Variants in NALF1 observed in about 807,000 individuals in gnomAD.
The protein encoded by NALF1 is NALCN channel auxiliary factor 1, also known as family with sequence similarity 155 member A.
In NALF1, 3 loss-of-function variants were observed where a neutral mutation model predicts 48.4. The ratio of observed to expected loss-of-function variants is 0.06; its 90% CI spans 0.03 to 0.16. NALF1 has a LOEUF of 0.16. NALF1 is among the 10% of genes least tolerant of loss of function. The pLI is 1.00. For synonymous variants in NALF1, 262 were observed against 245.7 expected, an observed-to-expected ratio of 1.07 and a Z score of -0.62; for missense variants, 526 against 571.5, an observed-to-expected ratio of 0.92 and a Z score of 0.81.
At chr13:107,576,872 CT>C (rs1217979483) in intron 1 of NALF1, among the ~76,000 whole-genome samples, 4 of 152,144 alleles carry the variant, frequency 2.6e-5, no homozygotes, top group African/African-American at 9.7e-5. Flanking sequence ...TGTTCCTACT[CT>C]GTCAAAATCT....
At chr13:107,491,284 A>G (rs926072743) in intron 1 of NALF1, among the ~76,000 whole-genome samples, 1 of 152,250 alleles carries the variant, frequency 6.6e-6, no homozygotes, top group Non-Finnish European at 1.5e-5. Context: ...TGACTTTGTC[A>G]GTTACAAGAT....
At chr13:107,305,333 G>T (rs1213939664) in intron 1 of NALF1, among the ~76,000 whole-genome samples, 1 of 152,188 alleles carries the variant, frequency 6.6e-6, no homozygotes, top group African/African-American at 2.4e-5. Context: ...TCAGAGTAAA[G>T]GTTGTTTTGG....
intron 1 of NALF1, among the ~76,000 whole-genome samples, chr13:107,865,415 A>G (rs1880683721): frequency 6.6e-6 from 1 of 152,270 alleles, no homozygotes; most frequent in Admixed American, 6.5e-5. Flanking sequence ...TGAATGTAAG[A>G]AACAGTTAAA....
At chr13:107,233,314 G>T (rs1481199480) in intron 1 of NALF1, among the ~76,000 whole-genome samples, 1 of 152,104 alleles carries the variant, frequency 6.6e-6, no homozygotes, top group Non-Finnish European at 1.5e-5. Flanking sequence ...ACAACCAAAG[G>T]ACCATAGCAA....
At chr13:107,361,348 G>T (rs770501880) in intron 1 of NALF1, among the ~76,000 whole-genome samples, 10 of 152,174 alleles carry the variant, frequency 6.6e-5, no homozygotes, top group Non-Finnish European at 1.3e-4. Flanking sequence ...TCAGGAAATA[G>T]TAAGTAACAG....
At chr13:107,353,933 C>A (rs1230838467) in intron 1 of NALF1, among the ~76,000 whole-genome samples, 1 of 152,098 alleles carries the variant, frequency 6.6e-6, no homozygotes, top group East Asian at 1.9e-4. Context: ...CTAGTACATG[C>A]CAGGAATAAT....
chr13:107,671,306 A>C (rs1019794643), intron 1 of NALF1, among the ~76,000 whole-genome samples: 2 of 152,150 alleles, frequency 1.3e-5, no homozygotes, highest in Admixed American at 6.6e-5. Context: ...ATAAAAACAG[A>C]AAGAATTACA....
intron 1 of NALF1, among the ~76,000 whole-genome samples, chr13:107,683,575 G>A (rs534318920): frequency 2.6e-5 from 4 of 152,318 alleles, no homozygotes; most frequent in African/African-American, 9.6e-5. Context: ...AGCCTGCAGT[G>A]GGGACGGAGA....
At chr13:107,559,686 A>C (rs950943074) in intron 1 of NALF1, among the ~76,000 whole-genome samples, 2 of 152,204 alleles carry the variant, frequency 1.3e-5, no homozygotes, top group Non-Finnish European at 2.9e-5. Context: ...CTATCTATTC[A>C]GCATCAGCAT....
chr13:107,385,231 T>G (rs1213544581), intron 1 of NALF1, among the ~76,000 whole-genome samples: 1 of 152,186 alleles, frequency 6.6e-6, no homozygotes, highest in African/African-American at 2.4e-5. Context: ...CTTTTTCCTT[T>G]CTAAATAAAA....
At chr13:107,652,740 T>C (rs1264200739) in intron 1 of NALF1, among the ~76,000 whole-genome samples, 1 of 152,198 alleles carries the variant, frequency 6.6e-6, no homozygotes, top group African/African-American at 2.4e-5. Flanking sequence ...CTGTTTCAAC[T>C]GCAACATTCC....
In NALF1 at chr13:107,690,813, G is replaced by A. The variant is rs182114071; in HGVS notation, c.915+174869C>T. The stretch of plus-strand genomic sequence containing the variant: ...TTCATTATTCCTGCTATAAACGCTC[G>A]TGCAGAGTTTCTAACAGTCATGGAG... On this transcript the variant is annotated intron_variant, in intron 1 of 2. Transcript: ENST00000375915. Among the ~76,000 whole-genome samples, 25 of 152,264 alleles carry A rather than the reference G, an allele frequency of 1.6e-4. No homozygotes were observed. The East Asian group carries it at 4.1e-3, about 25-fold the overall frequency.
intron 1 of NALF1, among the ~76,000 whole-genome samples, chr13:107,455,509 G>T (rs988947199): frequency 5.3e-5 from 8 of 152,140 alleles, no homozygotes; most frequent in Non-Finnish European, 1.0e-4. Flanking sequence ...TGACCTGTTT[G>T]TTACAGCTGA....
chr13:107,308,170 G>A (rs1881974039), intron 1 of NALF1, among the ~76,000 whole-genome samples: 1 of 121,646 alleles, frequency 8.2e-6, no homozygotes, highest in African/African-American at 3.0e-5. Context: ...TTAAATTTCT[G>A]TATTACTTTT....
At chr13:107,408,041 G>A (rs1235700194) in intron 1 of NALF1, among the ~76,000 whole-genome samples, 1 of 151,916 alleles carries the variant, frequency 6.6e-6, no homozygotes, top group Non-Finnish European at 1.5e-5. Flanking sequence ...ATTTGGGGGA[G>A]CTAAAAATTA....
intron 1 of NALF1, among the ~76,000 whole-genome samples, chr13:107,363,471 C>T (rs1347502381): frequency 2.0e-5 from 3 of 152,222 alleles, no homozygotes; most frequent in South Asian, 2.1e-4. Context: ...TGGTGGCACA[C>T]GCCTATAGTC....
At chr13:107,381,632 T>C (rs537731852) in intron 1 of NALF1, among the ~76,000 whole-genome samples, 121 of 151,494 alleles carry the variant, frequency 8.0e-4, no homozygotes, top group African/African-American at 2.7e-3. Flanking sequence ...ATGATAGACG[T>C]TGGGGACTCC....
At chr13:107,332,976 G>A (rs1340491438) in intron 1 of NALF1, among the ~76,000 whole-genome samples, 1 of 152,094 alleles carries the variant, frequency 6.6e-6, no homozygotes, top group Non-Finnish European at 1.5e-5. Context: ...CCCCAGAGTA[G>A]CTGGGATTAC....
intron 1 of NALF1, among the ~76,000 whole-genome samples, chr13:107,569,449 G>C (rs1360842924): frequency 6.6e-6 from 1 of 151,826 alleles, no homozygotes; most frequent in East Asian, 1.9e-4. Context: ...TCCAGCCTGG[G>C]CGACACAGCG....
Sources: allele counts gnomAD v4.1 joint callset (sites outside exome capture counted in the v4.1 genomes callset), GRCh38; gene constraint gnomAD v4.1.1; transcripts MANE v1.5; gene names NCBI Gene and HGNC (gene_info 2026-07-23, HGNC 2026-07-21).